HSP90AA1: variants seen among roughly 807,000 people sequenced by gnomAD.
The protein encoded by HSP90AA1 is heat shock protein 90 alpha family class A member 1.
Under a neutral mutation model 73.3 loss-of-function variants are expected in HSP90AA1, and 18 were observed. The ratio of observed to expected loss-of-function variants is 0.25; its 90% confidence interval spans 0.17 to 0.36. The LOEUF (loss-of-function observed/expected upper bound fraction) is 0.36. Among genes scored for constraint, HSP90AA1 ranks in the 10% least tolerant of loss-of-function variants. HSP90AA1 has a pLI of 1.00. For missense variants in HSP90AA1, 704 were observed against 874.2 expected, an observed-to-expected ratio of 0.81 and a Z score of 2.45; for synonymous variants, 477 against 296.9, an observed-to-expected ratio of 1.61 and a Z score of -6.24.
intron 2 of HSP90AA1, among the ~76,000 whole-genome samples, chr14:102,095,267 G>A (rs2049409265): frequency 6.6e-6 from 1 of 152,206 alleles, no homozygotes; most frequent in African/African-American, 2.4e-5. Context: ...CTCAGAGGAA[G>A]AGAGGCCTGG....
At chr14:102,082,481 A>AT in intron 9 of HSP90AA1, 37 bp from the exon 10 acceptor site, 1 of 1,498,424 alleles carries the variant, frequency 6.7e-7, no homozygotes, top group Non-Finnish European at 9.2e-7. Context: ...ACCTAGAAAG[A>AT]TTAATTCCTA....
At chr14:102,084,043 A>C in intron 6 of HSP90AA1, 60 bp from the exon 7 acceptor site, 2 of 1,230,990 alleles carry the variant, frequency 1.6e-6, no homozygotes, top group South Asian at 2.4e-5. Flanking sequence ...GGTACTATGT[A>C]AACTCCCAAA....
chr14:102,084,956 C>G lies in HSP90AA1; in HGVS notation c.706G>C (p.Glu236Gln), dbSNP rs2049189880. The change falls in exon 5 of 11, where the codon GAA becomes CAA. Residue 236 changes from glutamate (E) to glutamine (Q), a missense_variant. Coordinates refer to ENST00000216281, the MANE Select transcript of HSP90AA1 (RefSeq NM_005348.4). Reference protein sequence around the residue: ...RDKEVSDDEAEEKEDKEEEKE... With the variant: ...RDKEVSDDEAQEKEDKEEEKE... ...TCTTCTTCTTTGTCTTCCTTTTCTTCAGCCTCATCATCGCTTACTTCTTTA... is the reference window on the plus strand; with the variant it reads ...TCTTCTTCTTTGTCTTCCTTTTCTTGAGCCTCATCATCGCTTACTTCTTTA... The G allele has an allele frequency of 6.2e-7, 1 of 1,606,444 alleles. No homozygotes were observed. Among genetic ancestry groups the G allele is most frequent in the South Asian group, 1.1e-5 (1 of 90,912 alleles).
At chr14:102,081,893 T>C (rs2049108616) in intron 10 of HSP90AA1, 72 bp from the exon 11 acceptor site, 1 of 830,678 alleles carries the variant, frequency 1.2e-6, no homozygotes, top group Admixed American at 1.7e-5. Context: ...ACTCTTGGTT[T>C]CTATCTGCTT....
chr14:102,089,809 GCCT>G (rs1416270858), upstream of HSP90AA1, among the ~76,000 whole-genome samples: 1 of 152,036 alleles, frequency 6.6e-6, no homozygotes, highest in Non-Finnish European at 1.5e-5. Context: ...TGCCACTTCT[GCCT>G]CCTAAGTACC....
chr14:102,088,366 A>G (rs1033721110), upstream of HSP90AA1, among the ~76,000 whole-genome samples: 4 of 152,110 alleles, frequency 2.6e-5, no homozygotes, highest in African/African-American at 4.8e-5. Context: ...CCCTCGGAAT[A>G]ATCTGAAAGC....
In HSP90AA1 at chr14:102,081,742, G is replaced by A. The variant is rs61999351; in HGVS notation, c.2169C>T (p.Asp723=). Residue 723 remains aspartate, a synonymous_variant, in exon 11 of 11, where the codon GAC becomes GAT. Transcript: ENST00000216281. ...TEEMPPLEGD[D]DTSRMEEVD is the part of the protein sequence containing the mutation. ...CTACTTCTTCCATGCGTGATGTGTC[G>A]TCATCTCCTTCAAGGGGTGGCATTT... The A allele has an allele frequency of 5.9e-5, 94 of 1,582,122 alleles. No individual in the cohort carries two copies. The highest frequency in any genetic ancestry group is 1.7e-4 in the Middle Eastern group (1 of 6,002).
Position 102,084,842 on chromosome 14 carries a change from TGTC to T in HSP90AA1, c.817_819del (p.Asp273del), listed in dbSNP as rs2049185069. The T allele has an allele frequency of 1.3e-6, 2 of 1,590,820 alleles. No individual in the cohort carries two copies. Among genetic ancestry groups the T allele is most frequent in the Non-Finnish European group, 1.7e-6 (2 of 1,158,840 alleles). On this transcript the variant is annotated inframe_deletion, in exon 5 of 11. Coordinates refer to ENST00000216281, the MANE Select transcript of HSP90AA1 (RefSeq NM_005348.4). The stretch of plus-strand genomic sequence containing the variant: ...TCCTTAATCTTCTTCTTCTTCTTCT[TGTC>T]ACCATCCTTCTTTTCTTCTTCCTCA...
rs36025350 is a variant in HSP90AA1 at position 102,082,148 on chromosome 14, A to G, written c.2052T>C (p.His684=). ...TGATCATCCTGTAGATCCTGTTAGC[A>G]TGTGTCTGGGGATCTTCCAGACTGA... ...SGFSLEDPQT[H]ANRIYRMIKL... is the part of the protein sequence containing the mutation. Residue 684 remains histidine, a synonymous_variant, in exon 10 of 11, where the codon CAT becomes CAC. Coordinates refer to ENST00000216281, the MANE Select transcript of HSP90AA1 (RefSeq NM_005348.4). 8.9e-4 allele frequency: 1,434 copies of G among 1,613,560 alleles called. 16 individuals are homozygous for G. The African/African-American group carries it at 0.016, about 18-fold the overall frequency.
At chr14:102,127,476 C>T (rs1595680007) in intron 1 of HSP90AA1, among the ~76,000 whole-genome samples, 1 of 152,060 alleles carries the variant, frequency 6.6e-6, no homozygotes, top group African/African-American at 2.4e-5. Flanking sequence ...CTGTATTTTC[C>T]CTTTATTACT....
intron 1 of HSP90AA1, among the ~76,000 whole-genome samples, chr14:102,137,012 G>C (rs974925156): frequency 2.0e-5 from 3 of 151,002 alleles, no homozygotes; most frequent in African/African-American, 7.3e-5. Context: ...TCAGGAGTTC[G>C]AGACCAGCCT....
chr14:102,133,662 C>T (rs2049938117), intron 1 of HSP90AA1, among the ~76,000 whole-genome samples: 1 of 151,804 alleles, frequency 6.6e-6, no homozygotes, highest in South Asian at 2.1e-4. Context: ...TTTGTATTTT[C>T]AGTAGAGACG....
At chr14:102,134,841 A>G (rs1025820482) in intron 1 of HSP90AA1, among the ~76,000 whole-genome samples, 3 of 152,164 alleles carry the variant, frequency 2.0e-5, no homozygotes, top group Non-Finnish European at 2.9e-5. Context: ...CGGGTTGCCA[A>G]TGCTAGCTCG....
Position 102,104,862 on chromosome 14 carries a change from A to G in HSP90AA1, c.156-2777T>C, listed in dbSNP as rs1044539080. Among the ~76,000 whole-genome samples, 7 of 151,802 alleles carry G rather than the reference A, an allele frequency of 4.6e-5. No homozygotes were observed. The South Asian group carries it at 1.5e-3, about 32-fold the overall frequency. ...TTCCTGTACCTGGCTTATTTCACTT[A>G]ACATAATGACCTCCCATCTATCCAT... is the stretch of plus-strand genomic sequence containing the variant. On this transcript the variant is annotated intron_variant, in intron 1 of 11. Coordinates refer to the HSP90AA1 transcript ENST00000334701.
chr14:102,110,898 A>G (rs1010452124), intron 1 of HSP90AA1, among the ~76,000 whole-genome samples: 7 of 151,960 alleles, frequency 4.6e-5, no homozygotes, highest in African/African-American at 1.7e-4. Flanking sequence ...TTGTATTTTC[A>G]GTAGAAATGG....
rs770486837 is a variant in HSP90AA1, at chr14:102,086,352, G to A, written c.27C>T (p.Asp9=). MPEETQTQ[D]QPMEEEEVET... is the part of the protein sequence containing the mutation. Reference sequence around the variant, plus strand: ...CAACCTCCTCCTCCTCCATCGGTTGGTCTTGGGTCTGGGTTTCCTCAGGCA... The same window carrying A: ...CAACCTCCTCCTCCTCCATCGGTTGATCTTGGGTCTGGGTTTCCTCAGGCA... The change falls in exon 2 of 11, where the codon GAC becomes GAT. Residue 9 remains aspartate, a synonymous_variant. Coordinates refer to ENST00000216281, the MANE Select transcript of HSP90AA1 (RefSeq NM_005348.4). The A allele has an allele frequency of 5.6e-6, 9 of 1,614,026 alleles. No homozygotes were observed. In the East Asian group the frequency reaches 6.7e-5, roughly 12 times the overall value.
chr14:102,085,593 AC>A, intron 3 of HSP90AA1, 162 bp from the exon 4 acceptor site: 1 of 1,245,406 alleles, frequency 8.0e-7, no homozygotes, highest in Non-Finnish European at 1.2e-6. Context: ...GCCCAAAAGA[AC>A]CGCCCACCAA....
At chr14:102,085,636 C>T (rs1222380544) in intron 3 of HSP90AA1, 122 bp downstream of exon 3, 13 of 1,473,196 alleles carry the variant, frequency 8.8e-6, no homozygotes, top group Non-Finnish European at 1.0e-5. Flanking sequence ...AGTGCTCTAG[C>T]TTGTTCCTGA....
chr14:102,130,631 A>G (rs745591074), intron 1 of HSP90AA1, among the ~76,000 whole-genome samples: 24 of 152,122 alleles, frequency 1.6e-4, no homozygotes, highest in Non-Finnish European at 2.6e-4. Flanking sequence ...TTTTTTTGAC[A>G]GGGTCTTGCT....
Sources: allele counts gnomAD v4.1 joint callset (sites outside exome capture counted in the v4.1 genomes callset), GRCh38; gene constraint gnomAD v4.1.1; transcripts MANE v1.5; gene names NCBI Gene and HGNC (gene_info 2026-07-23, HGNC 2026-07-21).